Variants in TENM1 observed in about 807,000 individuals in gnomAD.
The protein encoded by TENM1 is teneurin-1.
A neutral mutation model predicts 174.8 loss-of-function variants in TENM1; 35 were observed. The observed-to-expected ratio is 0.20, with a 90% confidence interval of 0.15 to 0.27. The LOEUF (loss-of-function observed/expected upper bound fraction) is 0.27. Ranked by LOEUF, TENM1 falls within the 10% of genes least tolerant of loss-of-function variation. TENM1 has a pLI of 1.00. For missense variants in TENM1, 1,633 were observed against 2,130.1 expected (o/e 0.77, Z 4.59); for synonymous variants, 781 against 798.7 (o/e 0.98, Z 0.37).
chrX:124,782,535 T>C (rs2054937717), intron 3 of TENM1, among the ~76,000 whole-genome samples: 1 of 111,221 alleles, frequency 9.0e-6, no homozygotes, highest in African/African-American at 3.3e-5. Flanking sequence ...TGCCTACATA[T>C]ACACTGTTCT....
At chrX:125,049,080 A>C in the TENM1 span, among the ~76,000 whole-genome samples, 15 of 111,926 alleles carry the variant, frequency 1.3e-4, no homozygotes, top group Non-Finnish European at 2.8e-4. Flanking sequence ...GTTTTTTAAC[A>C]GCTTTATTGA....
intron 11 of TENM1, among the ~76,000 whole-genome samples, chrX:124,633,067 A>G (rs2050798294): frequency 8.9e-6 from 1 of 112,044 alleles, no homozygotes; most frequent in African/African-American, 3.2e-5. Flanking sequence ...GGACAGACAC[A>G]CCTTGTAAAT....
At chrX:124,444,277 G>C (rs1211947575) in intron 23 of TENM1, among the ~76,000 whole-genome samples, 1 of 112,229 alleles carries the variant, frequency 8.9e-6, no homozygotes, top group East Asian at 2.8e-4. Context: ...GAATTGAATA[G>C]AGACTAAGGC....
chrX:125,088,022 T>C, the TENM1 span, among the ~76,000 whole-genome samples: 1 of 111,040 alleles, frequency 9.0e-6, no homozygotes, highest in Non-Finnish European at 1.9e-5. Context: ...GGAGTAACTT[T>C]ACAATGGAGA....
At chrX:124,544,853 T>C (rs1436238847) in intron 15 of TENM1, among the ~76,000 whole-genome samples, 1 of 111,933 alleles carries the variant, frequency 8.9e-6, no homozygotes, top group Non-Finnish European at 1.9e-5. Context: ...TTTCCTTATA[T>C]ATAAAATGCA....
At position 124,909,363 on chromosome X, in the gene TENM1, G is replaced by C. The variant is rs993644303; in HGVS notation, c.218-13122C>G. 2.4e-4 allele frequency among the ~76,000 whole-genome samples: 27 copies of C among 111,555 alleles called. No homozygotes were observed. The Admixed American group carries it at 2.6e-3, about 11-fold the overall frequency. ...TGCAATGTGAATGTGGCGGATGCTA[G>C]AACTTCCTGCTTCTTGTCTCCCAGG... On this transcript the variant is annotated intron_variant, in intron 1 of 31. Coordinates refer to ENST00000422452, the Ensembl canonical transcript of TENM1.
chrX:124,704,603 T>C (rs368126915), intron 5 of TENM1, among the ~76,000 whole-genome samples: 2 of 112,058 alleles, frequency 1.8e-5, no homozygotes, highest in South Asian at 3.7e-4. Context: ...AATTTTCTGA[T>C]AGCTTCCAAA....
At chrX:124,453,309 A>G in intron 23 of TENM1, 28 bp downstream of exon 26, 2 of 1,181,898 alleles carry the variant, frequency 1.7e-6, no homozygotes, top group Admixed American at 2.4e-5. Flanking sequence ...CCAAATGACA[A>G]TAATACTTGA....
intron 3 of TENM1, among the ~76,000 whole-genome samples, chrX:124,807,892 C>CAT (rs1328252472): frequency 1.8e-5 from 2 of 109,024 alleles, no homozygotes; most frequent in Non-Finnish European, 3.8e-5. Context: ...CACACACACA[C>CAT]ACACACACAC....
At chrX:125,158,061 A>G in the TENM1 span, among the ~76,000 whole-genome samples, 1 of 111,011 alleles carries the variant, frequency 9.0e-6, no homozygotes, top group Non-Finnish European at 1.9e-5. Flanking sequence ...TATTTTTTGG[A>G]TATGTTCTTA....
chrX:124,578,306 T>C (rs1360875063), intron 11 of TENM1, among the ~76,000 whole-genome samples: 1 of 111,979 alleles, frequency 8.9e-6, no homozygotes, highest in Non-Finnish European at 1.9e-5. Flanking sequence ...CGCTTTCATT[T>C]TCCTTTTGCC....
chrX:124,698,891 G>A (rs1210381077), intron 5 of TENM1, among the ~76,000 whole-genome samples: 2 of 111,636 alleles, frequency 1.8e-5, no homozygotes, highest in Non-Finnish European at 3.8e-5. Flanking sequence ...CCACCTGTTA[G>A]TGTTGACTAT....
intron 3 of TENM1, among the ~76,000 whole-genome samples, chrX:124,751,112 G>C (rs967466103): frequency 6.3e-5 from 7 of 111,596 alleles, no homozygotes; most frequent in Non-Finnish European, 1.3e-4. Flanking sequence ...AGAAGAGGCT[G>C]CTTGATGGGC....
the TENM1 span, among the ~76,000 whole-genome samples, chrX:125,122,183 G>C: frequency 4.5e-5 from 5 of 112,123 alleles, no homozygotes; most frequent in South Asian, 1.9e-3. Context: ...CAGTCCTTGG[G>C]TAAAGAAACC....
At chrX:124,581,060 CTTTTTTT>C (rs1202109466) in intron 11 of TENM1, among the ~76,000 whole-genome samples, 1 of 63,971 alleles carries the variant, frequency 1.6e-5, no homozygotes, top group Non-Finnish European at 2.7e-5. Context: ...ATACTTAGTT[CTTTTTTT>C]TTTTTTTTTT....
the TENM1 span, among the ~76,000 whole-genome samples, chrX:125,001,652 C>G: frequency 1.9e-5 from 2 of 107,238 alleles, no homozygotes; most frequent in South Asian, 8.6e-4. Context: ...TAGGAAAAGG[C>G]TATGTGTCAA....
chrX:124,825,511 C>A (rs2056138970), intron 3 of TENM1, among the ~76,000 whole-genome samples: 1 of 110,530 alleles, frequency 9.0e-6, no homozygotes, highest in African/African-American at 3.3e-5. Context: ...ATATCAATTT[C>A]AAAAGATGTA....
intron 11 of TENM1, among the ~76,000 whole-genome samples, chrX:124,608,781 CTTTTT>C (rs55733864): frequency 2.1e-5 from 2 of 93,127 alleles, no homozygotes; most frequent in African/African-American, 3.9e-5. Context: ...GAAGAGTAAG[CTTTTT>C]TTTTTTTTTT....
chrX:125,033,567 T>C, the TENM1 span, among the ~76,000 whole-genome samples: 2 of 111,724 alleles, frequency 1.8e-5, no homozygotes, highest in Admixed American at 9.5e-5. Context: ...TTACAGTAAG[T>C]AGCAGGAGGA....
Sources: gnomAD v4.1 joint callset for allele counts (sites outside exome capture counted in the v4.1 genomes callset) on GRCh38, gnomAD v4.1.1 for gene constraint, MANE v1.5 for transcripts, NCBI Gene and HGNC (gene_info 2026-07-23, HGNC 2026-07-21) for gene names.